Variants in CD2AP observed in about 807,000 individuals in gnomAD.
CD2AP encodes CD2-associated protein.
In CD2AP, 46 loss-of-function variants were observed where a neutral mutation model predicts 85.1. That is an observed-to-expected ratio of 0.54 (90% CI 0.43 to 0.69). The LOEUF (loss-of-function observed/expected upper bound fraction) is 0.69, where lower values mean the gene tolerates loss of function less well. CD2AP is among the 30% of genes least tolerant of loss of function. The pLI, the probability that CD2AP is intolerant of heterozygous loss-of-function variation, is 0.00. For synonymous variants in CD2AP, 255 were observed against 252.9 expected (o/e 1.01, Z -0.08); for missense variants, 769 against 729.5 (o/e 1.05, Z -0.62).
intron 4 of CD2AP, among the ~76,000 whole-genome samples, chr6:47,547,675 A>T (rs764005955): frequency 6.6e-6 from 1 of 152,180 alleles, no homozygotes; most frequent in Non-Finnish European, 1.5e-5. Flanking sequence ...GAACAAATGG[A>T]GTTAACAAAT....
chr6:47,575,979 G>C (rs1768296615), intron 6 of CD2AP, among the ~76,000 whole-genome samples: 1 of 152,160 alleles, frequency 6.6e-6, no homozygotes. Flanking sequence ...AATGCAGATA[G>C]TTATGAGGCT....
intron 5 of CD2AP, among the ~76,000 whole-genome samples, chr6:47,568,550 G>A (rs1411077208): frequency 6.6e-6 from 1 of 152,098 alleles, no homozygotes; most frequent in Non-Finnish European, 1.5e-5. Flanking sequence ...GACCAGCCTG[G>A]CCCACAAGTT....
chr6:47,598,935 T>A lies in CD2AP; in HGVS notation c.1275-366T>A, dbSNP rs180791388. Among the ~76,000 whole-genome samples, 451 of 149,638 alleles carry A rather than the reference T, an allele frequency of 3.0e-3. 6 individuals carry two copies. The highest frequency in any genetic ancestry group is 8.8e-3 in the African/African-American group (363 of 41,090). On this transcript the variant is annotated intron_variant, in intron 12 of 17. Transcript: ENST00000359314. Reference sequence around the variant, plus strand: ...ATAATCTAAAATAATAAAAAAAATTTAAAAAAAAATACAGGAGCATTCTGT... The same window carrying A: ...ATAATCTAAAATAATAAAAAAAATTAAAAAAAAAATACAGGAGCATTCTGT...
Position 47,615,736 on chromosome 6 carries a change from TTAAG to T in CD2AP, c.1878+3204_1878+3207del, listed in dbSNP as rs897428017. Among the ~76,000 whole-genome samples, 231 of 152,176 alleles carry T rather than the reference TTAAG, an allele frequency of 1.5e-3. 1 individual carries two copies. Among genetic ancestry groups the T allele is most frequent in the Middle Eastern group, 3.4e-3 (1 of 294 alleles). On this transcript the variant is annotated intron_variant, in intron 17 of 17. Coordinates refer to ENST00000359314, the MANE Select transcript of CD2AP (RefSeq NM_012120.3). ...ACACAGATGCAAATCGTATCAATGA[TTAAG>T]TAACAGCAATGGAGCTGAAATTTAA...
intron 17 of CD2AP, among the ~76,000 whole-genome samples, chr6:47,619,431 C>T (rs1424584734): frequency 6.6e-6 from 1 of 152,132 alleles, no homozygotes; most frequent in African/African-American, 2.4e-5. Flanking sequence ...AGTAGTATTC[C>T]ATCATATACA....
chr6:47,568,651 G>A (rs1329937907), intron 5 of CD2AP, among the ~76,000 whole-genome samples: 1 of 152,204 alleles, frequency 6.6e-6, no homozygotes, highest in Non-Finnish European at 1.5e-5. Flanking sequence ...GGCTGAGGCA[G>A]GAGATTCGCT....
intron 3 of CD2AP, among the ~76,000 whole-genome samples, chr6:47,542,564 G>A (rs1175737136): frequency 1.3e-5 from 2 of 152,050 alleles, no homozygotes; most frequent in Admixed American, 1.3e-4. Flanking sequence ...TATTAGCTTA[G>A]GCCCTTTTTT....
chr6:47,582,800 T>G (rs1468878961), intron 11 of CD2AP, among the ~76,000 whole-genome samples: 16 of 150,214 alleles, frequency 1.1e-4, no homozygotes, highest in East Asian at 1.9e-4. Flanking sequence ...GTTTTGTTTT[T>G]TTTTTTTTGT....
intron 3 of CD2AP, among the ~76,000 whole-genome samples, chr6:47,543,108 G>A (rs1379124187): frequency 3.9e-5 from 5 of 127,364 alleles, no homozygotes; most frequent in African/African-American, 6.2e-5. Flanking sequence ...CTGAGATTGC[G>A]CCACCGCACT....
At chr6:47,519,365 ATGG>A in intron 2 of CD2AP, among the ~76,000 whole-genome samples, 1 of 81,710 alleles carries the variant, frequency 1.2e-5, no homozygotes, top group Non-Finnish European at 2.8e-5. Context: ...GCTGCATGTG[ATGG>A]TTTGGGTTTC....
intron 17 of CD2AP, among the ~76,000 whole-genome samples, chr6:47,615,515 C>T (rs1330282013): frequency 3.3e-5 from 5 of 152,118 alleles, no homozygotes; most frequent in African/African-American, 9.6e-5. Context: ...GCACACAGTT[C>T]ATGTGGCGAG....
intron 5 of CD2AP, among the ~76,000 whole-genome samples, chr6:47,563,215 A>G (rs538139928): frequency 6.6e-5 from 10 of 152,340 alleles, no homozygotes; most frequent in African/African-American, 2.4e-4. Context: ...CCAGAGGTGC[A>G]AGTATCACAT....
chr6:47,486,310 TCTCC>T (rs1436478201), intron 1 of CD2AP, among the ~76,000 whole-genome samples: 2 of 152,156 alleles, frequency 1.3e-5, no homozygotes, highest in African/African-American at 2.4e-5. Context: ...TGCTTCTGCC[TCTCC>T]CTCCCTCCAG....
chr6:47,529,509 G>A (rs546386062), intron 2 of CD2AP, among the ~76,000 whole-genome samples: 7 of 152,144 alleles, frequency 4.6e-5, no homozygotes, highest in Non-Finnish European at 8.8e-5. Context: ...AATTGGTGGG[G>A]ATAGGCTCTG....
chr6:47,512,623 A>G (rs1023686389), intron 2 of CD2AP, among the ~76,000 whole-genome samples: 2 of 152,242 alleles, frequency 1.3e-5, no homozygotes, highest in East Asian at 1.9e-4. Flanking sequence ...TCCAGTTTTA[A>G]AAGTATTTTA....
At chr6:47,570,943 T>C (rs949190804) in intron 5 of CD2AP, among the ~76,000 whole-genome samples, 1 of 152,186 alleles carries the variant, frequency 6.6e-6, no homozygotes, top group Non-Finnish European at 1.5e-5. Flanking sequence ...ATTTTTGATA[T>C]CTAGCCATCT....
chr6:47,540,353 A>G (rs535470840), intron 3 of CD2AP, among the ~76,000 whole-genome samples: 1 of 152,212 alleles, frequency 6.6e-6, no homozygotes, highest in East Asian at 1.9e-4. Flanking sequence ...AATGTGAAAA[A>G]TCTCAAAGTG....
intron 3 of CD2AP, among the ~76,000 whole-genome samples, chr6:47,540,653 G>A (rs781222671): frequency 1.3e-4 from 20 of 152,084 alleles, no homozygotes; most frequent in Non-Finnish European, 2.5e-4. Context: ...AAGCTCTTGG[G>A]TAAAATATAA....
At chr6:47,617,393 C>G (rs1199195389) in intron 17 of CD2AP, among the ~76,000 whole-genome samples, 1 of 152,148 alleles carries the variant, frequency 6.6e-6, no homozygotes, top group Admixed American at 6.5e-5. Context: ...AGTGCCTCTC[C>G]CCTCTAAATC....
Sources: gnomAD v4.1 joint callset for allele counts (sites outside exome capture counted in the v4.1 genomes callset) on GRCh38, gnomAD v4.1.1 for gene constraint, MANE v1.5 for transcripts, NCBI Gene and HGNC (gene_info 2026-07-23, HGNC 2026-07-21) for gene names.